The following EIF3K variants were observed in gnomAD, a reference collection of about 807,000 sequenced individuals.
EIF3K encodes the protein eukaryotic translation initiation factor 3 subunit K, also known as eIF-3 p28.
In EIF3K, 27 loss-of-function variants were observed where a neutral mutation model predicts 34.2. The observed-to-expected ratio is 0.79, with a 90% CI of 0.58 to 1.09. EIF3K has a LOEUF of 1.09. Among genes scored for constraint, EIF3K ranks in the 50% least tolerant of loss-of-function variants. The pLI, the probability that EIF3K is intolerant of heterozygous loss-of-function variation, is 0.00. For synonymous variants in EIF3K, 105 were observed against 105.7 expected (o/e 0.99, Z 0.04); for missense variants, 232 against 275.4 (o/e 0.84, Z 1.11).
Position 38,626,091 on chromosome 19 carries a change from C to T in EIF3K, c.343C>T (p.Gln115Ter), listed in dbSNP as rs2144768661. ...LGDLLETCHFQAFWQALDENM... is the reference protein window; with the variant it reads ...LGDLLETCHF Reference sequence around the variant, plus strand: ...GGACCTGCTGGAGACCTGCCATTTCCAGGCCTTCTGGGTAACTTCCCTGGG... The same window carrying T: ...GGACCTGCTGGAGACCTGCCATTTCTAGGCCTTCTGGGTAACTTCCCTGGG... The change falls in exon 4 of 8, where the codon CAG becomes TAG. Residue 115 changes from glutamine (Q) to a stop codon, truncating the protein, a stop_gained. Coordinates refer to ENST00000248342, the MANE Select transcript of EIF3K (RefSeq NM_013234.4). LOFTEE classifies it high-confidence loss of function. 1 of 1,614,148 alleles carries T rather than the reference C, an allele frequency of 6.2e-7. No individual in the cohort carries two copies. The highest frequency in any genetic ancestry group is 8.5e-7 in the Non-Finnish European group (1 of 1,180,036).
chr19:38,633,333 C>T (rs963491256), intron 6 of EIF3K, among the ~76,000 whole-genome samples: 2 of 151,724 alleles, frequency 1.3e-5, no homozygotes, highest in Non-Finnish European at 2.9e-5. Flanking sequence ...TAAAGATCCC[C>T]CCAAGAACAA....
At chr19:38,634,834 C>T (rs1430592932) in intron 6 of EIF3K, among the ~76,000 whole-genome samples, 159 bp from the exon 7 acceptor site, 1 of 152,160 alleles carries the variant, frequency 6.6e-6, no homozygotes, top group African/African-American at 2.4e-5. Flanking sequence ...AGGGCAGGGG[C>T]GGAAGCAAGG....
At chr19:38,627,431 G>A (rs376768706) in intron 4 of EIF3K, among the ~76,000 whole-genome samples, 4 of 151,806 alleles carry the variant, frequency 2.6e-5, no homozygotes, top group Admixed American at 2.0e-4. Flanking sequence ...TTGGGAGGCC[G>A]AGGCAGGTGG....
intron 2 of EIF3K, 57 bp from the exon 3 acceptor site, chr19:38,624,020 T>G (rs899977094): frequency 6.2e-7 from 1 of 1,610,444 alleles, no homozygotes; most frequent in Non-Finnish European, 8.5e-7. Context: ...TGGCACCTGG[T>G]GAGGATTGGG....
chr19:38,626,710 C>A (rs1428512055), intron 4 of EIF3K, among the ~76,000 whole-genome samples: 1 of 152,176 alleles, frequency 6.6e-6, no homozygotes, highest in East Asian at 1.9e-4. Flanking sequence ...TGGAACCTGG[C>A]CCCCCACTTC....
chr19:38,620,741 C>G (rs1348383670), intron 2 of EIF3K, among the ~76,000 whole-genome samples: 1 of 151,244 alleles, frequency 6.6e-6, no homozygotes, highest in Non-Finnish European at 1.5e-5. Context: ...TAAAAAATAC[C>G]AAATTAGCCA....
chr19:38,633,865 C>A (rs1230074790), intron 6 of EIF3K, among the ~76,000 whole-genome samples: 1 of 150,386 alleles, frequency 6.6e-6, no homozygotes, highest in East Asian at 2.0e-4. Context: ...CCCAGCTATT[C>A]GGGAGGCTGA....
intron 2 of EIF3K, among the ~76,000 whole-genome samples, chr19:38,623,598 C>T (rs1975887775): frequency 6.6e-6 from 1 of 151,808 alleles, no homozygotes; most frequent in African/African-American, 2.4e-5. Context: ...AGCCACCCAC[C>T]TACCCACCCC....
intron 2 of EIF3K, among the ~76,000 whole-genome samples, chr19:38,621,721 T>A (rs1159415076): frequency 6.6e-6 from 1 of 152,196 alleles, no homozygotes; most frequent in Non-Finnish European, 1.5e-5. Context: ...CTCTTCTGCA[T>A]TTGCCATTTG....
At chr19:38,626,566 G>A (rs778180649) in intron 4 of EIF3K, among the ~76,000 whole-genome samples, 5 of 152,140 alleles carry the variant, frequency 3.3e-5, no homozygotes, top group African/African-American at 4.8e-5. Flanking sequence ...TGGGAGGATC[G>A]CTTGAGGCTG....
intron 4 of EIF3K, among the ~76,000 whole-genome samples, chr19:38,631,297 C>G (rs533701440): frequency 6.6e-6 from 1 of 152,044 alleles, no homozygotes; most frequent in Admixed American, 6.6e-5. Context: ...TCTGAGTTCC[C>G]TTAGTATTTA....
At chr19:38,634,718 C>T (rs1976150991) in intron 6 of EIF3K, among the ~76,000 whole-genome samples, 1 of 152,026 alleles carries the variant, frequency 6.6e-6, no homozygotes, top group South Asian at 2.1e-4. Flanking sequence ...CAAAATTTGC[C>T]CAGGGAGAGA....
At chr19:38,625,913 T>C (rs762062906) in intron 3 of EIF3K, 115 bp from the exon 4 acceptor site, 28 of 986,632 alleles carry the variant, frequency 2.8e-5, no homozygotes, top group Non-Finnish European at 4.5e-5. Flanking sequence ...TCCAGCTGTT[T>C]TTCTGAGCTG....
chr19:38,623,389 G>A (rs936977288), intron 2 of EIF3K, among the ~76,000 whole-genome samples: 4 of 152,164 alleles, frequency 2.6e-5, no homozygotes, highest in African/African-American at 4.8e-5. Context: ...GGCTGGTCTC[G>A]AACTCCTGAC....
At chr19:38,623,763 G>A (rs899947778) in intron 2 of EIF3K, among the ~76,000 whole-genome samples, 1 of 152,224 alleles carries the variant, frequency 6.6e-6, no homozygotes, top group African/African-American at 2.4e-5. Flanking sequence ...CAGCAGGGAA[G>A]TTTAAACCGA....
chr19:38,623,451 G>T (rs964044291), intron 2 of EIF3K, among the ~76,000 whole-genome samples: 1 of 152,114 alleles, frequency 6.6e-6, no homozygotes, highest in African/African-American at 2.4e-5. Context: ...TTACAGGCGT[G>T]AGCCACTGCA....
At chr19:38,625,216 G>C (rs962108114) in intron 3 of EIF3K, among the ~76,000 whole-genome samples, 1 of 151,826 alleles carries the variant, frequency 6.6e-6, no homozygotes, top group Non-Finnish European at 1.5e-5. Context: ...CCAGTCTGGA[G>C]TGCAGTGGCG....
At chr19:38,633,475 A>T (rs1239952995) in intron 6 of EIF3K, among the ~76,000 whole-genome samples, 4 of 152,152 alleles carry the variant, frequency 2.6e-5, no homozygotes, top group East Asian at 3.9e-4. Flanking sequence ...AGGTGGGCGG[A>T]TCATCTGTGG....
At chr19:38,633,038 A>G (rs1366646605) in intron 6 of EIF3K, 2 of 234,978 alleles carry the variant, frequency 8.5e-6, no homozygotes, top group African/African-American at 4.5e-5. Context: ...AAGACAGCTC[A>G]CAGACCAGCG....
Sources: gnomAD v4.1 joint callset for allele counts (sites outside exome capture counted in the v4.1 genomes callset) on GRCh38, gnomAD v4.1.1 for gene constraint, MANE v1.5 for transcripts, NCBI Gene and HGNC (gene_info 2026-07-23, HGNC 2026-07-21) for gene names.